The following CCDC57 variants were observed in gnomAD, a reference collection of about 807,000 sequenced individuals.
The protein encoded by CCDC57 is coiled-coil domain-containing protein 57.
A neutral mutation model predicts 118.9 loss-of-function variants in CCDC57; 118 were observed. The ratio of observed to expected loss-of-function variants is 0.99; its 90% CI spans 0.86 to 1.16. The LOEUF (loss-of-function observed/expected upper bound fraction) is 1.16. Among genes scored for constraint, CCDC57 ranks in the 50% most tolerant of loss-of-function variants. The pLI is 0.00. For missense variants in CCDC57, 1,300 were observed against 1,320.7 expected (o/e 0.98, Z 0.24); for synonymous variants, 527 against 532.9 (o/e 0.99, Z 0.15).
At chr17:82,163,118 C>A (rs570255659) in intron 14 of CCDC57, 82 bp downstream of exon 13, 9 of 1,539,776 alleles carry the variant, frequency 5.8e-6, no homozygotes, top group African/African-American at 1.4e-5. Context: ...TGGGGTCGCA[C>A]CGGGCAGCCG....
chr17:82,110,153 G>C (rs935086784), intron 19 of CCDC57, among the ~76,000 whole-genome samples: 1 of 151,694 alleles, frequency 6.6e-6, no homozygotes, highest in Non-Finnish European at 1.5e-5. Context: ...GATAATTTTT[G>C]TATTTTTTGT....
intron 19 of CCDC57, among the ~76,000 whole-genome samples, chr17:82,117,743 C>CAA (rs2036107335): frequency 6.6e-6 from 1 of 151,126 alleles, no homozygotes; most frequent in Admixed American, 6.6e-5. Flanking sequence ...TCAGATTGGC[C>CAA]AACAAACAAA....
chr17:82,140,147 G>T (rs147068056), intron 16 of CCDC57, among the ~76,000 whole-genome samples: 1 of 151,972 alleles, frequency 6.6e-6, no homozygotes, highest in Non-Finnish European at 1.5e-5. Context: ...GTGCAGCAGC[G>T]CAATCTCGGC....
intron 4 of CCDC57, among the ~76,000 whole-genome samples, chr17:82,197,822 T>C (rs550745029): frequency 2.0e-5 from 3 of 152,324 alleles, no homozygotes; most frequent in African/African-American, 7.2e-5. Context: ...GACACTCGCC[T>C]TCTCCTGCCC....
chr17:82,157,501 T>G (rs1028087571), intron 15 of CCDC57: 2 of 1,422,014 alleles, frequency 1.4e-6, no homozygotes, highest in African/African-American at 2.9e-5. Flanking sequence ...GATGGGCCCG[T>G]CCCGCCCCCC....
intron 11 of CCDC57, among the ~76,000 whole-genome samples, chr17:82,176,036 GGCTT>G (rs1172596654): frequency 6.6e-6 from 1 of 152,192 alleles, no homozygotes; most frequent in African/African-American, 2.4e-5. Context: ...GCTGAGGCGG[GGCTT>G]GCTTGTCTGA....
chr17:82,148,527 G>A (rs796446116), intron 16 of CCDC57, among the ~76,000 whole-genome samples: 1 of 3,330 alleles, frequency 3.0e-4, no homozygotes, highest in Non-Finnish European at 6.6e-4. Context: ...GTGGGTGAAT[G>A]GATGAATGGG....
At position 82,201,768 on chromosome 17, in the gene CCDC57, G is replaced by T; in HGVS notation, c.177C>A (p.Tyr59Ter). 6.2e-7 allele frequency: 1 copy of T among 1,613,838 alleles called. No homozygotes were observed. Among genetic ancestry groups the T allele is most frequent in the Non-Finnish European group, 8.5e-7 (1 of 1,179,760 alleles). ...CCCGCTCCTCCAGCACCTGAAGGTT[G>T]TAGACAAAGTCCTCCTGCAGGCACC... The change falls in exon 3 of 20, where the codon TAC becomes TAA. Residue 59 changes from tyrosine to a stop codon, truncating the protein, a stop_gained. Coordinates refer to ENST00000665763, the Ensembl canonical transcript of CCDC57. LOFTEE classifies it high-confidence loss of function.
chr17:82,175,493 G>A (rs2045350250), intron 11 of CCDC57: 1 of 152,238 alleles, frequency 6.6e-6, no homozygotes, highest in African/African-American at 2.4e-5. Flanking sequence ...TGAGATGAAT[G>A]CGTATCTCAC....
chr17:82,146,885 ACG>A (rs1491147790), intron 16 of CCDC57, among the ~76,000 whole-genome samples: 3 of 152,158 alleles, frequency 2.0e-5, no homozygotes, highest in African/African-American at 4.8e-5. Context: ...TCGCAAACAA[ACG>A]TGTGTGCACA....
chr17:82,150,720 T>C (rs371677519), intron 16 of CCDC57, among the ~76,000 whole-genome samples: 604 of 28,816 alleles, frequency 0.021, 1 homozygote, highest in Middle Eastern at 0.091. Context: ...GGCGCACACC[T>C]AGAACCTGGC....
intron 9 of CCDC57, among the ~76,000 whole-genome samples, chr17:82,179,881 A>T (rs975593203): frequency 6.6e-6 from 1 of 152,256 alleles, no homozygotes; most frequent in African/African-American, 2.4e-5. Context: ...CAAGGAAAAA[A>T]GAACAAGAAT....
At chr17:82,191,135 A>T (rs550557719) in intron 7 of CCDC57, among the ~76,000 whole-genome samples, 3 of 152,078 alleles carry the variant, frequency 2.0e-5, no homozygotes, top group Admixed American at 6.5e-5. Flanking sequence ...AAATAAAAAA[A>T]AAGGTCAGGG....
rs767352771 is a variant in CCDC57 at position 82,101,646 on chromosome 17, G to A, written c.*36C>T. 113 of 1,511,018 alleles carry A rather than the reference G, an allele frequency of 7.5e-5. No individual in the cohort carries two copies. In the South Asian group the frequency reaches 1.2e-3, roughly 16 times the overall value. 93.6% of individuals were successfully genotyped at this position (1,511,018 alleles called of 1,614,324 possible). ...AGCACAGGCACCATGCGGAGGCCCCGAGCACCCCTTAGTGGGGCGGGGTGG... is the reference window on the plus strand; with the variant it reads ...AGCACAGGCACCATGCGGAGGCCCCAAGCACCCCTTAGTGGGGCGGGGTGG... On this transcript the variant is annotated 3_prime_UTR_variant, in exon 20 of 20. Coordinates refer to ENST00000665763, the Ensembl canonical transcript of CCDC57.
chr17:82,210,914 A>AGGCAGGAGAATCACTTCC (rs2050135149), intron 1 of CCDC57, among the ~76,000 whole-genome samples: 1 of 150,462 alleles, frequency 6.6e-6, no homozygotes, highest in African/African-American at 2.5e-5. Context: ...GAATCACTTC[A>AGGCAGGAGAATCACTTCC]ACCCAGGAGG....
Position 82,205,430 on chromosome 17 carries a change from C to A in CCDC57, c.-9+2417G>T, listed in dbSNP as rs539977024. On this transcript the variant is annotated intron_variant, in intron 2 of 19. Coordinates refer to ENST00000665763, the Ensembl canonical transcript of CCDC57. ...CCTCAAATGTGCCCGCGACTCCTGACCATTTTCAAAATAAAGTCCGATCTC... is the reference window on the plus strand; with the variant it reads ...CCTCAAATGTGCCCGCGACTCCTGAACATTTTCAAAATAAAGTCCGATCTC... Among the ~76,000 whole-genome samples, 7 of 152,322 alleles carry A rather than the reference C, an allele frequency of 4.6e-5. No homozygotes were observed. In the East Asian group the frequency reaches 7.7e-4, roughly 17 times the overall value.
intron 17 of CCDC57, 112 bp from the exon 17 acceptor site, chr17:82,128,709 T>A: frequency 1.2e-6 from 1 of 859,030 alleles, no homozygotes; most frequent in Non-Finnish European, 1.8e-6. Flanking sequence ...TTTCTGGTAT[T>A]AAAGACTCAC....
rs776766706 is a variant in CCDC57, at chr17:82,193,934, T to C, written c.776+48A>G. 21 of 1,585,000 alleles carry C rather than the reference T, an allele frequency of 1.3e-5. No homozygotes were observed. The South Asian group carries it at 2.4e-4, about 18-fold the overall frequency. On this transcript the variant is annotated intron_variant, in intron 6 of 19. Coordinates refer to ENST00000665763, the Ensembl canonical transcript of CCDC57. Reference sequence around the variant, plus strand: ...AATCCCCCAGACTCCAGTCCTGGCCTGCGAGGCTGCCACAGAGCACGCCTC... The same window carrying C: ...AATCCCCCAGACTCCAGTCCTGGCCCGCGAGGCTGCCACAGAGCACGCCTC...
Position 82,172,945 on chromosome 17 carries a change from G to T in CCDC57, c.1507-85C>A. 7.9e-7 allele frequency: 1 copy of T among 1,258,580 alleles called. No individual in the cohort carries two copies. The highest frequency in any genetic ancestry group is 1.1e-6 in the Non-Finnish European group (1 of 888,692). The allele number at this position is 1,258,580 out of a possible 1,614,324, so 78.0% of individuals were successfully genotyped here. A position where few individuals can be genotyped will look rare whatever the true frequency, so the allele number is the denominator to read the frequency against. ...CAGGCTGTGCCTCCGCTCTCCCCGC[G>T]CCCCTCTCGGGCCGGTCCCCCGCTT... is the stretch of plus-strand genomic sequence containing the variant. On this transcript the variant is annotated intron_variant, in intron 11 of 19. Coordinates refer to ENST00000665763, the Ensembl canonical transcript of CCDC57. The surrounding 1 kb of genome is among the most constrained non-coding windows in gnomAD (Gnocchi z 5.2).
Sources: allele counts gnomAD v4.1 joint callset (sites outside exome capture counted in the v4.1 genomes callset), GRCh38; gene constraint gnomAD v4.1.1; non-coding constraint Gnocchi (gnomAD v3.1); transcripts MANE v1.5; gene names NCBI Gene and HGNC (gene_info 2026-07-23, HGNC 2026-07-21).